Variants in NDST4 observed in about 807,000 individuals in gnomAD.
NDST4 encodes N-deacetylase and N-sulfotransferase 4.
Under a neutral mutation model 100.8 loss-of-function variants are expected in NDST4, and 63 were observed. That is an observed-to-expected ratio of 0.62 (90% CI 0.51 to 0.77). NDST4 has a LOEUF of 0.77. Ranked by LOEUF, NDST4 falls within the 30% of genes least tolerant of loss-of-function variation. NDST4 has a pLI of 0.00. For synonymous variants in NDST4, 377 were observed against 361.8 expected, an observed-to-expected ratio of 1.04 and a Z score of -0.48; for missense variants, 943 against 1,018.4, an observed-to-expected ratio of 0.93 and a Z score of 1.01.
intron 4 of NDST4, among the ~76,000 whole-genome samples, chr4:114,938,315 C>T (rs977661333): frequency 2.6e-5 from 4 of 152,126 alleles, no homozygotes; most frequent in African/African-American, 9.7e-5. Flanking sequence ...TTTTATAAAT[C>T]TTACACTTCA....
chr4:115,082,763 C>G (rs1729328603), intron 1 of NDST4, among the ~76,000 whole-genome samples: 1 of 148,830 alleles, frequency 6.7e-6, no homozygotes, highest in African/African-American at 2.5e-5. Context: ...ATTTATGATA[C>G]TAGGATTCTA....
chr4:114,938,201 A>AT (rs1246225649), intron 4 of NDST4, among the ~76,000 whole-genome samples: 1 of 152,138 alleles, frequency 6.6e-6, no homozygotes, highest in African/African-American at 2.4e-5. Context: ...AAGGCAGGGG[A>AT]TTAATACCAT....
intron 2 of NDST4, among the ~76,000 whole-genome samples, chr4:115,029,563 G>A (rs1157927666): frequency 2.0e-5 from 3 of 152,130 alleles, no homozygotes; most frequent in Non-Finnish European, 4.4e-5. Flanking sequence ...GGGATTGGGA[G>A]AGAAAGGAAG....
At chr4:114,950,698 T>C (rs760538760) in intron 4 of NDST4, among the ~76,000 whole-genome samples, 3 of 152,078 alleles carry the variant, frequency 2.0e-5, no homozygotes, top group Non-Finnish European at 2.9e-5. Context: ...TTGTGCTCTT[T>C]CTGCTACTGC....
chr4:114,839,192 T>G (rs1189061757), intron 11 of NDST4, among the ~76,000 whole-genome samples, 186 bp downstream of exon 11: 1 of 152,238 alleles, frequency 6.6e-6, no homozygotes, highest in Non-Finnish European at 1.5e-5. Context: ...GCACATTTCT[T>G]CCTTACTTAT....
intron 6 of NDST4, among the ~76,000 whole-genome samples, chr4:114,877,839 C>T (rs1052078714): frequency 1.3e-5 from 2 of 152,056 alleles, no homozygotes; most frequent in Admixed American, 1.3e-4. Context: ...GTATTCCCAG[C>T]TACTCAGGAG....
intron 2 of NDST4, among the ~76,000 whole-genome samples, chr4:115,040,980 CG>C (rs967283230): frequency 6.6e-6 from 1 of 151,954 alleles, no homozygotes; most frequent in African/African-American, 2.4e-5. Flanking sequence ...AAAAGAACTA[CG>C]TTTCTTTCAC....
intron 6 of NDST4, among the ~76,000 whole-genome samples, chr4:114,889,398 G>T (rs1181449744): frequency 6.6e-6 from 1 of 152,146 alleles, no homozygotes; most frequent in Non-Finnish European, 1.5e-5. Context: ...CGAAGAAGTG[G>T]AGAGTAGACT....
At chr4:114,859,271 G>A (rs1723866807) in intron 7 of NDST4, among the ~76,000 whole-genome samples, 2 of 152,244 alleles carry the variant, frequency 1.3e-5, no homozygotes, top group South Asian at 4.1e-4. Flanking sequence ...TTTCTTCTAG[G>A]CCAGCAAAAA....
chr4:115,104,217 A>G (rs941468744), intron 1 of NDST4, among the ~76,000 whole-genome samples: 8 of 152,158 alleles, frequency 5.3e-5, no homozygotes, highest in Non-Finnish European at 8.8e-5. Flanking sequence ...AATATAGTTT[A>G]TATCTTTTTA....
At chr4:114,856,343 G>A (rs1245840303) in intron 7 of NDST4, among the ~76,000 whole-genome samples, 1 of 152,108 alleles carries the variant, frequency 6.6e-6, no homozygotes, top group African/African-American at 2.4e-5. Flanking sequence ...GGATTAGCAT[G>A]AGCCACTGTG....
intron 6 of NDST4, among the ~76,000 whole-genome samples, chr4:114,894,191 C>G (rs555736750): frequency 6.6e-6 from 1 of 152,256 alleles, no homozygotes; most frequent in East Asian, 1.9e-4. Context: ...CAGCTTTGTT[C>G]TTTTTGCTTA....
intron 4 of NDST4, among the ~76,000 whole-genome samples, chr4:114,959,201 A>C (rs748558700): frequency 2.0e-5 from 3 of 152,144 alleles, no homozygotes; most frequent in Admixed American, 6.5e-5. Flanking sequence ...AAGTTTCAAA[A>C]TTTCCAACAA....
At position 114,870,864 on chromosome 4, in the gene NDST4, C is replaced by T. The variant is rs1181866592; in HGVS notation, c.1623G>A (p.Gln541=). The T allele has an allele frequency of 6.2e-7, 1 of 1,613,204 alleles. No homozygotes were observed. Among genetic ancestry groups the T allele is most frequent in the Non-Finnish European group, 8.5e-7 (1 of 1,179,426 alleles). The change falls in exon 7 of 14, where the codon CAG becomes CAA. Residue 541 remains glutamine, a synonymous_variant. Transcript: ENST00000264363. ...YTFVNLVNFV[Q]SWTNLKLQTL... ...TTTGCAATTTCAGGTTGGTCCAGCTCTGCACAAAGTTGACCAAGTTCACAA... is the reference window on the plus strand; with the variant it reads ...TTTGCAATTTCAGGTTGGTCCAGCTTTGCACAAAGTTGACCAAGTTCACAA...
intron 6 of NDST4, among the ~76,000 whole-genome samples, chr4:114,890,837 C>G (rs552360245): frequency 1.1e-4 from 17 of 152,198 alleles, no homozygotes; most frequent in African/African-American, 4.1e-4. Flanking sequence ...ATCACTTTGC[C>G]TACAATCATA....
chr4:114,960,572 G>T (rs375305180), intron 4 of NDST4, among the ~76,000 whole-genome samples: 1 of 151,902 alleles, frequency 6.6e-6, no homozygotes, highest in Non-Finnish European at 1.5e-5. Context: ...AAGAAAGAAA[G>T]AAATAAAGAA....
chr4:114,935,103 C>A (rs1476359989), intron 6 of NDST4, 103 bp downstream of exon 6: 2 of 919,658 alleles, frequency 2.2e-6, no homozygotes, highest in African/African-American at 3.5e-5. Flanking sequence ...GTAAGATGTG[C>A]TGTAAATAAA....
chr4:114,930,628 G>A (rs1725491327), intron 6 of NDST4, among the ~76,000 whole-genome samples: 1 of 152,078 alleles, frequency 6.6e-6, no homozygotes, highest in African/African-American at 2.4e-5. Flanking sequence ...TGTTGACAGT[G>A]TATCTTTTTC....
At chr4:115,079,111 G>A (rs145374199) in intron 1 of NDST4, among the ~76,000 whole-genome samples, 102 of 152,014 alleles carry the variant, frequency 6.7e-4, no homozygotes, top group African/African-American at 2.4e-3. Flanking sequence ...CAGCACTTTG[G>A]GAGGACAAGG....
Sources: allele counts gnomAD v4.1 joint callset (sites outside exome capture counted in the v4.1 genomes callset), GRCh38; gene constraint gnomAD v4.1.1; transcripts MANE v1.5; gene names NCBI Gene and HGNC (gene_info 2026-07-23, HGNC 2026-07-21).